Variants in PNPLA7 observed in about 807,000 individuals in gnomAD.
PNPLA7 encodes patatin like domain 7, lysophospholipase.
A neutral mutation model predicts 161.7 loss-of-function variants in PNPLA7; 153 were observed. The observed-to-expected ratio is 0.95, with a 90% CI of 0.83 to 1.08. PNPLA7 has a LOEUF of 1.08. Ranked by LOEUF, PNPLA7 falls within the 50% of genes least tolerant of loss-of-function variation. The pLI, the probability that PNPLA7 is intolerant of heterozygous loss-of-function variation, is 0.00. For missense variants in PNPLA7, 1,739 were observed against 1,856.6 expected (o/e 0.94, Z 1.16); for synonymous variants, 809 against 782.1 (o/e 1.03, Z -0.57).
intron 26 of PNPLA7, among the ~76,000 whole-genome samples, chr9:137,466,492 C>T (rs577708696): frequency 1.0e-3 from 150 of 144,422 alleles, no homozygotes; most frequent in African/African-American, 3.6e-3. Context: ...CCCACCACCA[C>T]CTCGACCATC....
chr9:137,469,007 G>A, intron 25 of PNPLA7, among the ~76,000 whole-genome samples: 1 of 152,128 alleles, frequency 6.6e-6, no homozygotes, highest in East Asian at 1.9e-4. Flanking sequence ...TCGCACCATT[G>A]CACTCCAGCC....
At chr9:137,516,146 C>A (rs947692529) in intron 11 of PNPLA7, among the ~76,000 whole-genome samples, 1 of 100,622 alleles carries the variant, frequency 9.9e-6, no homozygotes, top group Non-Finnish European at 1.9e-5. Flanking sequence ...CATTCCGAGG[C>A]CTTGCTGCCC....
Position 137,463,384 on chromosome 9 carries a change from C to T in PNPLA7, c.3343+31G>A, listed in dbSNP as rs547627107. 1.3e-5 allele frequency: 21 copies of T among 1,563,016 alleles called. No homozygotes were observed. The South Asian group carries it at 1.8e-4, about 14-fold the overall frequency. ...GCGGCGTGACCCAGGAGCCTGTGCT[C>T]CTGCCGGGCGTGGTCCCCCCACCGC... On this transcript the variant is annotated intron_variant, in intron 29 of 34. Transcript: ENST00000406427.
At chr9:137,461,434 G>A in intron 33 of PNPLA7, 102 bp downstream of exon 33, 6 of 1,252,660 alleles carry the variant, frequency 4.8e-6, no homozygotes, top group African/African-American at 1.5e-5. Flanking sequence ...GGACGTGGGC[G>A]GGAGGGGAGG....
rs1011670436 is a variant in PNPLA7, at chr9:137,467,532, A to G, written c.2883-59T>C. On this transcript the variant is annotated intron_variant, in intron 25 of 34. Coordinates refer to ENST00000406427, the MANE Select transcript of PNPLA7 (RefSeq NM_001098537.3). This position sits in a 1 kb window ranked among gnomAD's most constrained non-coding sequence, Gnocchi z 5.1. ...GTACCAGGCCCAGGCTGCGCCCTGC[A>G]GAGGCCTTGTGCTCATCCTCAGTTC... 1.3e-6 allele frequency: 2 copies of G among 1,585,108 alleles called. No homozygotes were observed. Among genetic ancestry groups the G allele is most frequent in the Non-Finnish European group, 1.7e-6 (2 of 1,164,754 alleles).
In PNPLA7 at chr9:137,550,164, A is replaced by G. The variant is rs768556398; in HGVS notation, c.30+4T>C. The G allele has an allele frequency of 2.7e-5, 43 of 1,612,786 alleles. No individual in the cohort carries two copies. In the South Asian group the frequency reaches 4.7e-4, roughly 18 times the overall value. On this transcript the variant is annotated splice_donor_region_variant and intron_variant, in intron 1 of 34. Coordinates refer to ENST00000406427, the MANE Select transcript of PNPLA7 (RefSeq NM_001098537.3). ...CCAGGCATCTGGTCCCCCGAGTTAC[A>G]TACCTGTGGGCTGTCATCTTTCTCT...
chr9:137,480,495 G>C lies in PNPLA7; in HGVS notation c.2412-15C>G. On this transcript the variant is annotated splice_polypyrimidine_tract_variant and intron_variant, in intron 22 of 34. Coordinates refer to ENST00000406427, the MANE Select transcript of PNPLA7 (RefSeq NM_001098537.3). Reference sequence around the variant, plus strand: ...ACTCGTGAACACTGCAGCACGCAGAGGGAGTACCTCACTACTCCGCAGGGG... The same window carrying C: ...ACTCGTGAACACTGCAGCACGCAGACGGAGTACCTCACTACTCCGCAGGGG... 1 of 1,596,232 alleles carries C rather than the reference G, an allele frequency of 6.3e-7. No homozygotes were observed. The highest frequency in any genetic ancestry group is 8.6e-7 in the Non-Finnish European group (1 of 1,168,720).
In PNPLA7 at chr9:137,541,188, A is replaced by T. The variant is rs1836182491; in HGVS notation, c.667-466T>A. Among the ~76,000 whole-genome samples the T allele has an allele frequency of 6.6e-6, 1 of 152,176 alleles. No individual in the cohort carries two copies. The highest frequency in any genetic ancestry group is 2.4e-5 in the African/African-American group (1 of 41,456). On this transcript the variant is annotated intron_variant, in intron 7 of 34. Coordinates refer to ENST00000406427, the MANE Select transcript of PNPLA7 (RefSeq NM_001098537.3). The surrounding 1 kb of genome is among the most constrained non-coding windows in gnomAD (Gnocchi z 4.4). The stretch of plus-strand genomic sequence containing the variant: ...CTTGACCCAGGAAAATTCTTTATGA[A>T]GTTGCCCAAATCTGGCCCCAGTCCC...
Position 137,460,672 on chromosome 9 carries a change from C to A in PNPLA7, c.3907G>T (p.Asp1303Tyr), listed in dbSNP as rs371081090. Reference sequence around the variant, plus strand: ...TGCTGGGCTGAGGTGCTCTGGAAGTCTGCGTATGCATCCCTGGGGACGTCC... The same window carrying A: ...TGCTGGGCTGAGGTGCTCTGGAAGTATGCGTATGCATCCCTGGGGACGTCC... ...LLDVPRDAYA[D>Y]FQSTSAQQGS... The change falls in exon 34 of 35, where the codon GAC becomes TAC. Residue 1303 changes from aspartate (D) to tyrosine (Y), a missense_variant. Around this residue, in one of 6 missense-constraint regions of PNPLA7, gnomAD observed 703 missense variants for 694.6 expected, o/e 1.01. Coordinates refer to ENST00000406427, the MANE Select transcript of PNPLA7 (RefSeq NM_001098537.3). The A allele has an allele frequency of 6.8e-6, 11 of 1,612,776 alleles. No individual in the cohort carries two copies. The highest frequency in any genetic ancestry group is 2.7e-5 in the African/African-American group (2 of 74,936).
intron 18 of PNPLA7, 102 bp from the exon 19 acceptor site, chr9:137,495,248 A>ACC (rs1338335696): frequency 2.7e-6 from 2 of 736,392 alleles, no homozygotes; most frequent in East Asian, 5.3e-5. Flanking sequence ...CACACATGAC[A>ACC]CCCCATCCAC....
intron 12 of PNPLA7, among the ~76,000 whole-genome samples, chr9:137,514,940 G>A (rs528165841): frequency 6.6e-5 from 10 of 152,158 alleles, no homozygotes; most frequent in Non-Finnish European, 1.2e-4. Flanking sequence ...CGGGTCACCC[G>A]GCTGTTGAGG....
rs118089352 is a variant in PNPLA7 at position 137,541,865 on chromosome 9, G to A, written c.666+777C>T. Among the ~76,000 whole-genome samples, 4 of 151,806 alleles carry A rather than the reference G, an allele frequency of 2.6e-5. No individual in the cohort carries two copies. Among genetic ancestry groups the A allele is most frequent in the Non-Finnish European group, 5.9e-5 (4 of 67,938 alleles). ...GGCGTGAACACAGCTCACTATAGCC[G>A]CAACCTCCCAGACTCAAGCGATCCT... On this transcript the variant is annotated intron_variant, in intron 7 of 34. Coordinates refer to ENST00000406427, the MANE Select transcript of PNPLA7 (RefSeq NM_001098537.3). The surrounding 1 kb of genome is among the most constrained non-coding windows in gnomAD (Gnocchi z 4.4).
intron 12 of PNPLA7, among the ~76,000 whole-genome samples, chr9:137,507,789 T>C (rs1173629698): frequency 6.6e-6 from 1 of 152,096 alleles, no homozygotes; most frequent in East Asian, 1.9e-4. Flanking sequence ...CATGGTGGTA[T>C]GCACCTGTGG....
At chr9:137,462,139 C>T (rs767770369) in intron 31 of PNPLA7, 40 bp downstream of exon 31, 2 of 1,530,550 alleles carry the variant, frequency 1.3e-6, no homozygotes, top group Admixed American at 2.0e-5. Flanking sequence ...CACCAGAGTG[C>T]CTCCGCCCGC....
At position 137,479,112 on chromosome 9, in the gene PNPLA7, G is replaced by A. The variant is rs949580307; in HGVS notation, c.2707C>T (p.His903Tyr). The A allele has an allele frequency of 1.3e-6, 2 of 1,599,812 alleles. No homozygotes were observed. Among genetic ancestry groups the A allele is most frequent in the African/African-American group, 2.7e-5 (2 of 74,860 alleles). The change falls in exon 24 of 35, where the codon CAC becomes TAC. Residue 903 changes from histidine (H) to tyrosine (Y), a missense_variant. Transcript: ENST00000406427. The part of the protein sequence containing the change: ...WLNMRSWCSG[H>Y]LHLCCPRRVF... Reference sequence around the variant, plus strand: ...CGGCGCGGGCAGCAGAGGTGCAGGTGGCCGGAGCACCAGCTCCGCATGTTG... The same window carrying A: ...CGGCGCGGGCAGCAGAGGTGCAGGTAGCCGGAGCACCAGCTCCGCATGTTG...
rs1834922378 is a variant in PNPLA7 at position 137,520,359 on chromosome 9, T to A, written c.958-316A>T. On this transcript the variant is annotated intron_variant, in intron 10 of 34. Transcript: ENST00000406427. This position sits in a 1 kb window ranked among gnomAD's most constrained non-coding sequence, Gnocchi z 5.2. ...TTAAGGCAACCAAGCTCAGCCTGCT[T>A]TTACCCTAGGCCCTGTCTCAAACAC... Among the ~76,000 whole-genome samples the A allele has an allele frequency of 1.3e-5, 2 of 152,124 alleles. No homozygotes were observed. Among genetic ancestry groups the A allele is most frequent in the Non-Finnish European group, 1.5e-5 (1 of 68,018 alleles).
Position 137,484,736 on chromosome 9 carries a change from C to T in PNPLA7, c.2198G>A (p.Gly733Asp), listed in dbSNP as rs773794725. Residue 733 changes from glycine to aspartate, a missense_variant and splice_region_variant, in exon 21 of 35, where the codon GGC becomes GAC. Gly to Asp is a moderately conservative substitution (Grantham distance 94). Around this residue, in one of 6 missense-constraint regions of PNPLA7, gnomAD observed 192 missense variants for 249.5 expected, o/e 0.77. Transcript: ENST00000406427. ...LGSLQQGPVT[G>D]HQLGLPTEGS... ...CTCCGTGGGGAGCCCAAGCTGGTGG[C>T]CTGTGGAGCAAAGGACCCACGTCAG... 5.6e-6 allele frequency: 9 copies of T among 1,605,940 alleles called. No homozygotes were observed. In the South Asian group the frequency reaches 1.0e-4, roughly 18 times the overall value.
In PNPLA7 at chr9:137,506,099, A is replaced by T; in HGVS notation, c.1226-16T>A. 1 of 1,599,498 alleles carries T rather than the reference A, an allele frequency of 6.3e-7. No individual in the cohort carries two copies. The highest frequency in any genetic ancestry group is 8.5e-7 in the Non-Finnish European group (1 of 1,171,254). On this transcript the variant is annotated splice_polypyrimidine_tract_variant and intron_variant, in intron 12 of 34. Coordinates refer to ENST00000406427, the MANE Select transcript of PNPLA7 (RefSeq NM_001098537.3). Reference sequence around the variant, plus strand: ...CCTGGGCCCCCTACACACAGAGGGGACACTCAGGACACGGTTCGCTAGGCC... The same window carrying T: ...CCTGGGCCCCCTACACACAGAGGGGTCACTCAGGACACGGTTCGCTAGGCC...
Position 137,500,892 on chromosome 9 carries a change from G to T in PNPLA7, c.1556C>A (p.Ala519Asp). 6.4e-7 allele frequency: 1 copy of T among 1,567,750 alleles called. No homozygotes were observed. ...CCCCGAGACCACGAACAGGATGCTG[G>T]CGTCCTGACACACGAGAGGGCTCAG... ...TVVSRQGDQD[A>D]SILFVVSGLL... The change falls in exon 16 of 35, where the codon GCC (alanine) becomes GAC (aspartate). Residue 519 changes from alanine (A) to aspartate (D), a missense_variant. Transcript: ENST00000406427. This position sits in a 1 kb window ranked among gnomAD's most constrained non-coding sequence, Gnocchi z 5.5.
Sources: gnomAD v4.1 joint callset for allele counts (sites outside exome capture counted in the v4.1 genomes callset) on GRCh38, gnomAD v4.1.1 for gene constraint, gnomAD v4.1.1 regional missense constraint, Gnocchi (gnomAD v3.1) non-coding constraint, MANE v1.5 for transcripts, NCBI Gene and HGNC (gene_info 2026-07-23, HGNC 2026-07-21) for gene names.